OR2M2: variants seen among roughly 807,000 people sequenced by gnomAD.
OR2M2 encodes olfactory receptor family 2 subfamily M member 2, also known as olfactory receptor 2M2.
For missense variants in OR2M2, 467 were observed against 429.9 expected (o/e 1.09, Z -0.76); for synonymous variants, 168 against 151.7 (o/e 1.11, Z -0.79).
At chr1:248,179,223 T>G (rs1256944318) in intron 1 of OR2M2, among the ~76,000 whole-genome samples, 1 of 152,288 alleles carries the variant, frequency 6.6e-6, no homozygotes, top group African/African-American at 2.4e-5. Flanking sequence ...GGCCACTGTC[T>G]TATCAGAACG....
Position 248,181,041 on chromosome 1 carries a change from GC to G in OR2M2, c.*13del, listed in dbSNP as rs1558246903. The G allele has an allele frequency of 6.5e-7, 1 of 1,528,960 alleles. No individual in the cohort carries two copies. The highest frequency in any genetic ancestry group is 1.9e-5 in the Admixed American group (1 of 53,078). The allele number at this position is 1,528,960 out of a possible 1,614,324, so 94.7% of individuals were successfully genotyped here. On this transcript the variant is annotated 3_prime_UTR_variant, in exon 2 of 2. Coordinates refer to ENST00000641836, the MANE Select transcript of OR2M2 (RefSeq NM_001004688.2). Reference sequence around the variant, plus strand: ...TGTACATTGCCTAACATATTTATGGGCACCTATACAATTTATTTCAGGTAAA... The same window carrying G: ...TGTACATTGCCTAACATATTTATGGGACCTATACAATTTATTTCAGGTAAA...
At chr1:248,174,944 G>A (rs961689911) in intron 1 of OR2M2, 73 bp downstream of exon 1, 1 of 152,094 alleles carries the variant, frequency 6.6e-6, no homozygotes, top group African/African-American at 2.4e-5. Context: ...GGTGATGATT[G>A]ATTTCATTTC....
At position 248,174,995 on chromosome 1, in the gene OR2M2, C is replaced by T. The variant is rs367687606; in HGVS notation, c.-19+124C>T. ...TGCTATGAATTTTATAAACATTATTCTACTTTATCTGTACAATATTACTTT... is the reference window on the plus strand; with the variant it reads ...TGCTATGAATTTTATAAACATTATTTTACTTTATCTGTACAATATTACTTT... On this transcript the variant is annotated intron_variant, in intron 1 of 1. Coordinates refer to ENST00000641836, the MANE Select transcript of OR2M2 (RefSeq NM_001004688.2). 12 of 152,234 alleles carry T rather than the reference C, an allele frequency of 7.9e-5. No individual in the cohort carries two copies. In the South Asian group the frequency reaches 1.7e-3, roughly 21 times the overall value. 9.4% of individuals were successfully genotyped at this position (152,234 alleles called of 1,614,324 possible).
chr1:248,178,143 T>TA (rs1665876193), intron 1 of OR2M2: 2 of 152,130 alleles, frequency 1.3e-5, no homozygotes. Flanking sequence ...CCCACCTATT[T>TA]AAAAAATTGT....
At chr1:248,178,661 A>T (rs1466747498) in intron 1 of OR2M2, among the ~76,000 whole-genome samples, 1 of 152,320 alleles carries the variant, frequency 6.6e-6, no homozygotes, top group African/African-American at 2.4e-5. Context: ...ACTCTGTTCA[A>T]AGATGAACAT....
At chr1:248,179,327 G>A (rs145039413) in intron 1 of OR2M2, among the ~76,000 whole-genome samples, 6 of 152,190 alleles carry the variant, frequency 3.9e-5, no homozygotes, top group East Asian at 1.9e-4. Context: ...AAGCTCACAC[G>A]CTGAGTATCT....
chr1:248,178,215 T>C (rs917755439), intron 1 of OR2M2, among the ~76,000 whole-genome samples: 1 of 152,148 alleles, frequency 6.6e-6, no homozygotes. Flanking sequence ...TCTAACTCTC[T>C]TGTTGCTCCT....
At chr1:248,176,834 C>T (rs1052809719) in intron 1 of OR2M2, among the ~76,000 whole-genome samples, 2 of 152,042 alleles carry the variant, frequency 1.3e-5, no homozygotes, top group South Asian at 4.1e-4. Context: ...TTGGGTTTCA[C>T]ATTCCTAGTG....
At position 248,180,573 on chromosome 1, in the gene OR2M2, A is replaced by T; in HGVS notation, c.588A>T (p.Glu196Asp). 6.2e-7 allele frequency: 1 copy of T among 1,613,730 alleles called. No homozygotes were observed. Among genetic ancestry groups the T allele is most frequent in the Non-Finnish European group, 8.5e-7 (1 of 1,179,814 alleles). The stretch of plus-strand genomic sequence containing the variant: ...CATGCAATGACACATCAATATTTGA[A>T]GAGGTTATTTTCATCTGCTGTATAG... ...ILSCNDTSIFEEVIFICCIVM... is the reference protein window; with the variant it reads ...ILSCNDTSIFDEVIFICCIVM... The change falls in exon 2 of 2, where the codon GAA becomes GAT. Residue 196 changes from glutamate (E) to aspartate (D), a missense_variant. By Grantham distance (45) the Glu-to-Asp change is conservative. Coordinates refer to ENST00000641836, the MANE Select transcript of OR2M2 (RefSeq NM_001004688.2).
At chr1:248,176,755 A>C (rs1463669056) in intron 1 of OR2M2, among the ~76,000 whole-genome samples, 1 of 152,070 alleles carries the variant, frequency 6.6e-6, no homozygotes, top group Non-Finnish European at 1.5e-5. Context: ...ACCTCTTGGA[A>C]ACCCAATTTT....
Position 248,180,016 on chromosome 1 carries a change from G to T in OR2M2, c.31G>T (p.Asp11Tyr), listed in dbSNP as rs140281039. Residue 11 changes from aspartate (D) to tyrosine (Y), a missense_variant, in exon 2 of 2, where the codon GAC becomes TAC. Physicochemically the swap from Asp to Tyr is radical, Grantham distance 160. Transcript: ENST00000641836. ...ATGGGAGAATCAGACCTTCAACTCC[G>T]ACTTCATCCTCCTTGGAATCTTCAA... MAWENQTFNS[D>Y]FILLGIFNHS... 7 of 1,613,408 alleles carry T rather than the reference G, an allele frequency of 4.3e-6. No homozygotes were observed. Among genetic ancestry groups the T allele is most frequent in the African/African-American group, 1.3e-5 (1 of 74,856 alleles).
At chr1:248,179,263 G>A (rs754554638) in intron 1 of OR2M2, among the ~76,000 whole-genome samples, 2 of 152,116 alleles carry the variant, frequency 1.3e-5, no homozygotes, top group African/African-American at 4.8e-5. Flanking sequence ...GAGACCCACT[G>A]TGCTCCAATA....
At chr1:248,177,466 T>C (rs542607724) in intron 1 of OR2M2, among the ~76,000 whole-genome samples, 1 of 152,214 alleles carries the variant, frequency 6.6e-6, no homozygotes, top group East Asian at 1.9e-4. Flanking sequence ...GGAAAAATTA[T>C]GGTGGAAATT....
rs74788645 is a variant in OR2M2, at chr1:248,175,898, T to C, written c.-19+1027T>C. Among the ~76,000 whole-genome samples, 112 of 152,248 alleles carry C rather than the reference T, an allele frequency of 7.4e-4. 1 individual carries two copies. Among genetic ancestry groups the C allele is most frequent in the African/African-American group, 2.6e-3 (110 of 41,548 alleles). On this transcript the variant is annotated intron_variant, in intron 1 of 1. Transcript: ENST00000641836. ...GGACTCATGAGGGTGTTCCCTGTGA[T>C]CTACTTTGTTCATTCAGCATTCTAT...
chr1:248,180,779 A>C lies in OR2M2; in HGVS notation c.794A>C (p.Asp265Ala). 6.2e-7 allele frequency: 1 copy of C among 1,613,792 alleles called. No individual in the cohort carries two copies. Among genetic ancestry groups the C allele is most frequent in the Non-Finnish European group, 8.5e-7 (1 of 1,179,836 alleles). The change falls in exon 2 of 2, where the codon GAT becomes GCT. Residue 265 changes from aspartate to alanine, a missense_variant. Coordinates refer to ENST00000641836, the MANE Select transcript of OR2M2 (RefSeq NM_001004688.2). The stretch of plus-strand genomic sequence containing the variant: ...TTCATGTACATACGGCCCACATCTG[A>C]TCACTCCCCAACGCAGGACAAGATG... Reference protein sequence around the residue: ...ALFMYIRPTSDHSPTQDKMVS... With the variant: ...ALFMYIRPTSAHSPTQDKMVS...
At chr1:248,177,247 G>C (rs566247366) in intron 1 of OR2M2, among the ~76,000 whole-genome samples, 37 of 152,176 alleles carry the variant, frequency 2.4e-4, no homozygotes, top group African/African-American at 7.9e-4. Flanking sequence ...TTGTTTTAAT[G>C]CTTCATCATT....
rs201709618 is a variant in OR2M2, at chr1:248,180,484, T to C, written c.499T>C (p.Ser167Pro). The C allele has an allele frequency of 7.2e-5, 117 of 1,613,822 alleles. No individual in the cohort carries two copies. The highest frequency in any genetic ancestry group is 2.4e-5 in the Non-Finnish European group (28 of 1,179,882). The change falls in exon 2 of 2, where the codon TCC becomes CCC. Residue 167 changes from serine to proline, a missense_variant. Physicochemically the swap from Ser to Pro is moderately conservative, Grantham distance 74. Transcript: ENST00000641836. ...TGATGCTGTAGCCACATTTTCCTTC[T>C]CCTTTTGTGGGTCTCGGGAAATAGC... ...IIDAVATFSF[S>P]FCGSREIAHF...
At chr1:248,176,345 T>C (rs2042988630) in intron 1 of OR2M2, among the ~76,000 whole-genome samples, 1 of 151,970 alleles carries the variant, frequency 6.6e-6, no homozygotes, top group African/African-American at 2.4e-5. Context: ...GGTTAATATA[T>C]AAAAAGACAT....
chr1:248,177,366 G>T (rs1665867435), intron 1 of OR2M2, among the ~76,000 whole-genome samples: 1 of 152,190 alleles, frequency 6.6e-6, no homozygotes, highest in African/African-American at 2.4e-5. Context: ...CAAATGTAAA[G>T]AACACTTTGC....
Sources: allele counts gnomAD v4.1 joint callset (sites outside exome capture counted in the v4.1 genomes callset), GRCh38; gene constraint gnomAD v4.1.1; transcripts MANE v1.5; gene names NCBI Gene and HGNC (gene_info 2026-07-23, HGNC 2026-07-21).